The following NUDT5 variants were observed in gnomAD, a reference collection of about 807,000 sequenced individuals.
The protein encoded by NUDT5 is ADP-sugar pyrophosphatase.
NUDT5 carries 21 observed loss-of-function variants against 34.1 expected under a neutral mutation model. That is an observed-to-expected ratio of 0.62 (90% CI 0.44 to 0.89). NUDT5 has a LOEUF of 0.89. Among genes scored for constraint, NUDT5 ranks in the 40% least tolerant of loss-of-function variants. The probability of loss-of-function intolerance (pLI) is 0.00; values close to 1 mark genes in which losing one functional copy is unlikely to be tolerated. For synonymous variants in NUDT5, 85 were observed against 97.6 expected (o/e 0.87, Z 0.76); for missense variants, 249 against 274.8 (o/e 0.91, Z 0.66).
In NUDT5 at chr10:12,166,625, C is replaced by G; in HGVS notation, c.*1077G>C. The G allele has an allele frequency of 2.3e-6, 1 of 426,354 alleles. No homozygotes were observed. 26.4% of individuals were successfully genotyped at this position (426,354 alleles called of 1,614,324 possible). ...AGCCCTTTCATATGGTTCTCAGGGCCTGGCTTACCCGCTGGAGCCAGGCTA... is the reference window on the plus strand; with the variant it reads ...AGCCCTTTCATATGGTTCTCAGGGCGTGGCTTACCCGCTGGAGCCAGGCTA... On this transcript the variant is annotated 3_prime_UTR_variant, in exon 10 of 10. Transcript: ENST00000491614.
intron 3 of NUDT5, among the ~76,000 whole-genome samples, chr10:12,180,892 G>A (rs770768615): frequency 7.2e-5 from 11 of 152,206 alleles, no homozygotes; most frequent in Non-Finnish European, 1.5e-4. Flanking sequence ...AACACAAGAG[G>A]CGGGAGGGTC....
At chr10:12,193,440 C>G (rs916619583) in intron 1 of NUDT5, among the ~76,000 whole-genome samples, 9 of 152,088 alleles carry the variant, frequency 5.9e-5, no homozygotes, top group Admixed American at 6.6e-5. Context: ...CAATAAATCT[C>G]CTCCCCCATA....
chr10:12,167,886 C>T (rs974312769), intron 9 of NUDT5, 75 bp from the exon 10 acceptor site: 47 of 1,591,820 alleles, frequency 3.0e-5, no homozygotes, highest in East Asian at 4.5e-5. Context: ...TCAGTGTTTG[C>T]GCAGCAGGTA....
intron 1 of NUDT5, among the ~76,000 whole-genome samples, chr10:12,186,632 C>G (rs12262911): frequency 3.7e-5 from 2 of 54,610 alleles, no homozygotes; most frequent in Non-Finnish European, 8.2e-5. Context: ...TTTTTTTTTT[C>G]TTTTTTGTTT....
rs771016305 is a variant in NUDT5 at position 12,171,149 on chromosome 10, G to A, written c.488-241C>T. Among the ~76,000 whole-genome samples, 37 of 152,106 alleles carry A rather than the reference G, an allele frequency of 2.4e-4. No homozygotes were observed. Among genetic ancestry groups the A allele is most frequent in the Non-Finnish European group, 4.0e-4 (27 of 68,034 alleles). ...TATATTTTTATAGATATGAATCTGC[G>A]TATTATGTAAAATATACAGAACATA... On this transcript the variant is annotated intron_variant, in intron 7 of 9. Transcript: ENST00000491614. This position sits in a 1 kb window ranked among gnomAD's most constrained non-coding sequence, Gnocchi z 4.2.
In NUDT5 at chr10:12,188,076, T is replaced by G. The variant is rs376436403; in HGVS notation, c.-41-1744A>C. On this transcript the variant is annotated intron_variant, in intron 1 of 9. Coordinates refer to ENST00000491614, the MANE Select transcript of NUDT5 (RefSeq NM_014142.4). ...GTCATTTGGACCCAGGAGTTGGGGG[T>G]TGCAGAGAGCCGAGATCACGCCACT... Among the ~76,000 whole-genome samples the G allele has an allele frequency of 3.3e-5, 5 of 149,762 alleles. No homozygotes were observed. In the East Asian group the frequency reaches 1.0e-3, roughly 30 times the overall value.
In NUDT5 at chr10:12,173,195, T is replaced by C. The variant is rs1430090888; in HGVS notation, c.386-329A>G. Among the ~76,000 whole-genome samples, 2 of 152,042 alleles carry C rather than the reference T, an allele frequency of 1.3e-5. No individual in the cohort carries two copies. Among genetic ancestry groups the C allele is most frequent in the African/African-American group, 4.8e-5 (2 of 41,394 alleles). ...TGGGTGAGCAATAAAACTCAGGGGGTAGGAAATTCCTAAAGGCAATTGATT... is the reference window on the plus strand; with the variant it reads ...TGGGTGAGCAATAAAACTCAGGGGGCAGGAAATTCCTAAAGGCAATTGATT... On this transcript the variant is annotated intron_variant, in intron 6 of 9. Coordinates refer to ENST00000491614, the MANE Select transcript of NUDT5 (RefSeq NM_014142.4). This position sits in a 1 kb window ranked among gnomAD's most constrained non-coding sequence, Gnocchi z 4.7.
chr10:12,173,008 T>C lies in NUDT5; in HGVS notation c.386-142A>G. On this transcript the variant is annotated intron_variant, in intron 6 of 9. Transcript: ENST00000491614. The surrounding 1 kb of genome is among the most constrained non-coding windows in gnomAD (Gnocchi z 4.7). ...CTAGTTCTCACATTTGGTAGGCAGA[T>C]CTGCAGGCTGCAAAGCATCTGGGCA... 4.7e-6 allele frequency: 3 copies of C among 632,492 alleles called. No individual in the cohort carries two copies. The highest frequency in any genetic ancestry group is 8.4e-6 in the Non-Finnish European group (3 of 357,932). The allele number at this position is 632,492 out of a possible 1,614,324, so 39.2% of individuals were successfully genotyped here.
chr10:12,184,627 A>T, intron 3 of NUDT5: 1 of 1,197,870 alleles, frequency 8.3e-7, no homozygotes, highest in South Asian at 1.5e-5. Flanking sequence ...GGTTTGGCCC[A>T]AAAGTTTTAG....
intron 3 of NUDT5, among the ~76,000 whole-genome samples, chr10:12,180,117 C>T (rs528587896): frequency 2.2e-4 from 33 of 152,302 alleles, no homozygotes; most frequent in African/African-American, 6.7e-4. Flanking sequence ...GCTTCCTATC[C>T]GGCTGTCCTT....
intron 5 of NUDT5, among the ~76,000 whole-genome samples, chr10:12,174,231 A>G (rs1279502697): frequency 6.7e-6 from 1 of 150,330 alleles, no homozygotes; most frequent in Non-Finnish European, 1.5e-5. Flanking sequence ...CACTGTGAAA[A>G]GTGGTCTTAC....
At chr10:12,172,103 A>G (rs1383210145) in intron 7 of NUDT5, among the ~76,000 whole-genome samples, 1 of 152,192 alleles carries the variant, frequency 6.6e-6, no homozygotes, top group East Asian at 1.9e-4. Flanking sequence ...GAAGTTAAAG[A>G]ATATCACTGA....
In NUDT5 at chr10:12,173,168, G is replaced by A. The variant is rs1249378082; in HGVS notation, c.386-302C>T. 2.0e-5 allele frequency among the ~76,000 whole-genome samples: 3 copies of A among 152,246 alleles called. No homozygotes were observed. The East Asian group carries it at 5.8e-4, about 29-fold the overall frequency. ...AGTGATGAGGGTAGCACATGCATGAGATGGGTGAGCAATAAAACTCAGGGG... is the reference window on the plus strand; with the variant it reads ...AGTGATGAGGGTAGCACATGCATGAAATGGGTGAGCAATAAAACTCAGGGG... On this transcript the variant is annotated intron_variant, in intron 6 of 9. Coordinates refer to ENST00000491614, the MANE Select transcript of NUDT5 (RefSeq NM_014142.4). The surrounding 1 kb of genome is among the most constrained non-coding windows in gnomAD (Gnocchi z 4.7).
At chr10:12,188,172 C>CA (rs147703621) in intron 1 of NUDT5, among the ~76,000 whole-genome samples, 24 of 152,230 alleles carry the variant, frequency 1.6e-4, no homozygotes, top group African/African-American at 5.8e-4. Context: ...ACAGCCCACC[C>CA]AGCATCAACT....
intron 1 of NUDT5, among the ~76,000 whole-genome samples, chr10:12,193,156 T>C (rs373859261): frequency 9.8e-5 from 15 of 152,330 alleles, no homozygotes; most frequent in African/African-American, 2.4e-4. Context: ...ACTGTAAAGA[T>C]AGTCCAGGCA....
Position 12,186,246 on chromosome 10 carries a change from A to C in NUDT5, c.46T>G (p.Tyr16Asp). The C allele has an allele frequency of 6.2e-7, 1 of 1,613,522 alleles. No homozygotes were observed. The highest frequency in any genetic ancestry group is 8.5e-7 in the Non-Finnish European group (1 of 1,179,412). ...AGTTATACCTCCTCTGAAATGATAT[A>C]CTGTTTGCCATTCTGAGAAGATTCC... is the stretch of plus-strand genomic sequence containing the variant. ...PTESSQNGKQ[Y>D]IISEELISEG... The change falls in exon 2 of 10, where the codon TAT becomes GAT. Residue 16 changes from tyrosine (Y) to aspartate (D), a missense_variant. Physicochemically the swap from Tyr to Asp is radical, Grantham distance 160. Coordinates refer to ENST00000491614, the MANE Select transcript of NUDT5 (RefSeq NM_014142.4).
chr10:12,174,172 C>T (rs1834910109), intron 5 of NUDT5, among the ~76,000 whole-genome samples: 1 of 150,378 alleles, frequency 6.6e-6, no homozygotes, highest in Non-Finnish European at 1.5e-5. Flanking sequence ...GGCTGAACCC[C>T]TCATTCTTGT....
rs979302970 is a variant in NUDT5, at chr10:12,166,495, C to T, written c.*1207G>A. 1.1e-5 allele frequency: 3 copies of T among 284,144 alleles called. No individual in the cohort carries two copies. The highest frequency in any genetic ancestry group is 2.1e-5 in the Non-Finnish European group (3 of 141,260). The allele number at this position is 284,144 out of a possible 1,614,324, so 17.6% of individuals were successfully genotyped here. Reference sequence around the variant, plus strand: ...TCTTTAGGAAGTCCAGTGTAAAGATCTTACAGTTTCACTCATAAAAATATC... The same window carrying T: ...TCTTTAGGAAGTCCAGTGTAAAGATTTTACAGTTTCACTCATAAAAATATC... On this transcript the variant is annotated 3_prime_UTR_variant, in exon 10 of 10. Coordinates refer to ENST00000491614, the MANE Select transcript of NUDT5 (RefSeq NM_014142.4).
intron 3 of NUDT5, among the ~76,000 whole-genome samples, chr10:12,179,768 C>G (rs1304196863): frequency 1.3e-5 from 2 of 152,194 alleles, no homozygotes; most frequent in African/African-American, 4.8e-5. Context: ...CTATTGGTTT[C>G]TGACTGTTAC....
Sources: gnomAD v4.1 joint callset for allele counts (sites outside exome capture counted in the v4.1 genomes callset) on GRCh38, gnomAD v4.1.1 for gene constraint, Gnocchi (gnomAD v3.1) non-coding constraint, MANE v1.5 for transcripts, NCBI Gene and HGNC (gene_info 2026-07-23, HGNC 2026-07-21) for gene names.